Variants in RHOBTB3 observed in about 807,000 individuals in gnomAD.
The protein encoded by RHOBTB3 is Rho related BTB domain containing 3.
RHOBTB3 carries 47 observed loss-of-function variants against 67.2 expected under a neutral mutation model. The ratio of observed to expected loss-of-function variants is 0.70; its 90% confidence interval spans 0.55 to 0.89. The LOEUF is 0.89. Ranked by LOEUF, RHOBTB3 falls within the 40% of genes least tolerant of loss-of-function variation. The pLI, the probability that RHOBTB3 is intolerant of heterozygous loss-of-function variation, is 0.00. For missense variants in RHOBTB3, 631 were observed against 750.0 expected (o/e 0.84, Z 1.85); for synonymous variants, 273 against 274.2 (o/e 1.00, Z 0.04).
intron 8 of RHOBTB3, among the ~76,000 whole-genome samples, chr5:95,771,656 G>A (rs751965094): frequency 2.6e-5 from 4 of 152,186 alleles, no homozygotes; most frequent in Non-Finnish European, 5.9e-5. Flanking sequence ...AAGATCCAAA[G>A]TGTCTATCTA....
chr5:95,743,928 C>T (rs1357314420), intron 3 of RHOBTB3, among the ~76,000 whole-genome samples: 1 of 151,800 alleles, frequency 6.6e-6, no homozygotes, highest in Non-Finnish European at 1.5e-5. Flanking sequence ...AGGCTGGTCT[C>T]GAACTCCTGA....
upstream of RHOBTB3, chr5:95,731,024 AC>A: frequency 4.5e-6 from 4 of 895,092 alleles, no homozygotes; most frequent in Non-Finnish European, 6.1e-6. Flanking sequence ...CCATCGCCCC[AC>A]CCCCCTTTCC....
chr5:95,743,556 C>T (rs1755660491), intron 3 of RHOBTB3, among the ~76,000 whole-genome samples: 1 of 152,094 alleles, frequency 6.6e-6, no homozygotes. Flanking sequence ...CTCCTAGTTT[C>T]TGGGCTGATG....
At chr5:95,721,560 C>T (rs1357788472) in intron 1 of RHOBTB3, among the ~76,000 whole-genome samples, 1 of 151,806 alleles carries the variant, frequency 6.6e-6, no homozygotes, top group Non-Finnish European at 1.5e-5. Flanking sequence ...GTAATGATTA[C>T]ACAAATGCAT....
At chr5:95,721,394 C>G (rs1300459551) in intron 1 of RHOBTB3, among the ~76,000 whole-genome samples, 1 of 152,160 alleles carries the variant, frequency 6.6e-6, no homozygotes, top group African/African-American at 2.4e-5. Flanking sequence ...GCTGGTAACA[C>G]AAGAACATGC....
intron 8 of RHOBTB3, among the ~76,000 whole-genome samples, chr5:95,773,542 G>T (rs914618403): frequency 3.3e-5 from 5 of 152,226 alleles, no homozygotes; most frequent in African/African-American, 9.6e-5. Flanking sequence ...CAGTGTGTCT[G>T]TGGGCAAGTC....
intron 1 of RHOBTB3, among the ~76,000 whole-genome samples, chr5:95,722,735 G>T (rs915479394): frequency 1.3e-5 from 2 of 152,078 alleles, no homozygotes; most frequent in Admixed American, 1.3e-4. Flanking sequence ...CTCCCACCTC[G>T]GCTTCCCAAA....
At chr5:95,775,406 GTA>G (rs70978192) in intron 8 of RHOBTB3, among the ~76,000 whole-genome samples, 2,243 of 144,120 alleles carry the variant, frequency 0.016, 54 homozygotes, top group African/African-American at 0.052. Flanking sequence ...ATATATATGT[GTA>G]TATATATATA....
intron 8 of RHOBTB3, among the ~76,000 whole-genome samples, chr5:95,772,224 A>G (rs1460414325): frequency 2.6e-5 from 4 of 152,242 alleles, no homozygotes; most frequent in Non-Finnish European, 5.9e-5. Context: ...TGAAGGTTAT[A>G]TGGTGAACAT....
intron 2 of RHOBTB3, chr5:95,732,397 T>C: frequency 1.8e-6 from 1 of 558,990 alleles, no homozygotes; most frequent in Non-Finnish European, 3.2e-6. Flanking sequence ...ACGGGGTCAC[T>C]AAGTTTCATC....
intron 8 of RHOBTB3, among the ~76,000 whole-genome samples, chr5:95,777,863 T>C (rs1158867869): frequency 2.0e-5 from 3 of 152,326 alleles, no homozygotes; most frequent in African/African-American, 7.2e-5. Context: ...ACGCCTGTAA[T>C]GCCGGCACTT....
chr5:95,763,499 TG>T lies in RHOBTB3; in HGVS notation c.1049-8del. On this transcript the variant is annotated splice_polypyrimidine_tract_variant and splice_region_variant and intron_variant, in intron 6 of 11. Coordinates refer to ENST00000379982, the MANE Select transcript of RHOBTB3 (RefSeq NM_014899.4). ...CAGAAAAATCCAGCATGTACTAATT[TG>T]TTTACAGGTGCTTTTCAGTGGGAAG... The T allele has an allele frequency of 2.6e-6, 4 of 1,539,192 alleles. No homozygotes were observed. The highest frequency in any genetic ancestry group is 3.6e-6 in the Non-Finnish European group (4 of 1,114,610).
chr5:95,762,620 T>G (rs2112808081), intron 6 of RHOBTB3, among the ~76,000 whole-genome samples: 2 of 152,326 alleles, frequency 1.3e-5, no homozygotes, highest in Middle Eastern at 3.4e-3. Context: ...AATTATATTT[T>G]TATGAGATAG....
At chr5:95,766,620 GAAAGC>G (rs916248973) in intron 7 of RHOBTB3, among the ~76,000 whole-genome samples, 1 of 148,574 alleles carries the variant, frequency 6.7e-6, no homozygotes, top group Admixed American at 6.7e-5. Flanking sequence ...AAAAGAGAAA[GAAAGC>G]AAAGCAAAGA....
chr5:95,734,157 C>A (rs977576734), intron 2 of RHOBTB3, among the ~76,000 whole-genome samples: 12 of 152,104 alleles, frequency 7.9e-5, no homozygotes, highest in Non-Finnish European at 1.2e-4. Flanking sequence ...TAATACTAAG[C>A]AAAAGTAAGA....
intron 8 of RHOBTB3, chr5:95,769,879 C>G (rs1745657394): frequency 3.1e-6 from 1 of 319,978 alleles, no homozygotes; most frequent in Non-Finnish European, 6.0e-6. Flanking sequence ...GATGGAGAAG[C>G]TCTATGAACC....
At chr5:95,755,843 G>A (rs984457419) in intron 6 of RHOBTB3, 82 bp downstream of exon 6, 24 of 1,441,798 alleles carry the variant, frequency 1.7e-5, no homozygotes, top group Non-Finnish European at 2.2e-5. Flanking sequence ...AAGGGTACTG[G>A]TTAGTTTTAC....
chr5:95,731,042 T>G (rs891567045), upstream of RHOBTB3: 1 of 1,014,352 alleles, frequency 9.9e-7, no homozygotes. Flanking sequence ...TTCCTGGCTC[T>G]GGTTACGGCC....
chr5:95,718,756 C>T (rs1028986483), intron 1 of RHOBTB3, among the ~76,000 whole-genome samples: 1 of 152,112 alleles, frequency 6.6e-6, no homozygotes, highest in African/African-American at 2.4e-5. Flanking sequence ...TAGAATGGGG[C>T]TATGAGAACA....
Sources: allele counts gnomAD v4.1 joint callset (sites outside exome capture counted in the v4.1 genomes callset), GRCh38; gene constraint gnomAD v4.1.1; transcripts MANE v1.5; gene names NCBI Gene and HGNC (gene_info 2026-07-23, HGNC 2026-07-21).